The following CLRN1 variants were observed in gnomAD, a reference collection of about 807,000 sequenced individuals.
CLRN1 encodes the protein clarin-1.
A neutral mutation model predicts 18.7 loss-of-function variants in CLRN1; 15 were observed. The ratio of observed to expected loss-of-function variants is 0.80; its 90% CI spans 0.54 to 1.23. The LOEUF (loss-of-function observed/expected upper bound fraction) is 1.23. CLRN1 is among the 50% of genes most tolerant of loss of function. CLRN1 has a pLI of 0.00. For missense variants in CLRN1, 311 were observed against 277.5 expected (o/e 1.12, Z -0.86); for synonymous variants, 104 against 102.9 (o/e 1.01, Z -0.07).
At position 150,927,618 on chromosome 3, in the gene CLRN1, T is replaced by C; in HGVS notation, c.*318A>G. The C allele has an allele frequency of 2.0e-6, 1 of 500,834 alleles. No homozygotes were observed. The highest frequency in any genetic ancestry group is 1.6e-5 in the South Asian group (1 of 64,174). The allele number at this position is 500,834 out of a possible 1,614,324, so 31.0% of individuals were successfully genotyped here. On this transcript the variant is annotated 3_prime_UTR_variant, in exon 3 of 3. Coordinates refer to ENST00000327047, the MANE Select transcript of CLRN1 (RefSeq NM_174878.3). ...CCATGTGCCTTTGATATCTTTTTGA[T>C]AGGAAGACATCTTACACACACACAC...
intron 1 of CLRN1, among the ~76,000 whole-genome samples, chr3:150,957,440 G>T (rs940804191): frequency 2.0e-5 from 3 of 152,070 alleles, no homozygotes; most frequent in Non-Finnish European, 2.9e-5. Context: ...TTTGGAAATG[G>T]TCTCCTGTGA....
At chr3:150,937,403 T>G (rs534078518) in intron 2 of CLRN1, among the ~76,000 whole-genome samples, 69 of 152,270 alleles carry the variant, frequency 4.5e-4, no homozygotes, top group African/African-American at 1.6e-3. Context: ...CCCTTAGCAC[T>G]GGCTACAAAT....
chr3:150,958,704 A>T (rs1349710801), intron 1 of CLRN1, among the ~76,000 whole-genome samples: 1 of 152,236 alleles, frequency 6.6e-6, no homozygotes, highest in Non-Finnish European at 1.5e-5. Context: ...CCTCACATAG[A>T]GTACCTCTCC....
intron 1 of CLRN1, among the ~76,000 whole-genome samples, chr3:150,959,411 C>T (rs1448477928): frequency 6.6e-6 from 1 of 152,012 alleles, no homozygotes; most frequent in Admixed American, 6.6e-5. Context: ...GGTGGATCAC[C>T]TGAGGCCAGG....
intron 1 of CLRN1, among the ~76,000 whole-genome samples, chr3:150,954,327 A>G (rs772414419): frequency 5.3e-5 from 8 of 152,226 alleles, no homozygotes; most frequent in Non-Finnish European, 1.2e-4. Flanking sequence ...GCCATTTAAT[A>G]GATATGTAGT....
intron 1 of CLRN1, among the ~76,000 whole-genome samples, chr3:150,950,757 G>C (rs554856432): frequency 6.6e-6 from 1 of 152,288 alleles, no homozygotes; most frequent in South Asian, 2.1e-4. Context: ...TCTGCAAAGA[G>C]CTAAAAGCAG....
In CLRN1 at chr3:150,953,307, A is replaced by G. The variant is rs542646035; in HGVS notation, c.254-11546T>C. On this transcript the variant is annotated intron_variant, in intron 1 of 2. Transcript: ENST00000327047. Reference sequence around the variant, plus strand: ...ACAGCCGATGCCACGTTAGTAACATAACTTTGTCTGTGCGTTCAGAATTAC... The same window carrying G: ...ACAGCCGATGCCACGTTAGTAACATGACTTTGTCTGTGCGTTCAGAATTAC... 3.9e-5 allele frequency among the ~76,000 whole-genome samples: 6 copies of G among 152,236 alleles called. No individual in the cohort carries two copies. In the South Asian group the frequency reaches 8.3e-4, roughly 21 times the overall value.
At chr3:150,940,543 G>T in intron 2 of CLRN1, 2 of 1,532,820 alleles carry the variant, frequency 1.3e-6, no homozygotes, top group South Asian at 1.2e-5. Flanking sequence ...AGAAACAGTC[G>T]AATAGAGATT....
chr3:150,950,232 C>T (rs1714410899), intron 1 of CLRN1, among the ~76,000 whole-genome samples: 1 of 152,156 alleles, frequency 6.6e-6, no homozygotes, highest in Admixed American at 6.5e-5. Context: ...TAGGCAATAT[C>T]ATTCTGGACA....
intron 1 of CLRN1, among the ~76,000 whole-genome samples, chr3:150,953,224 C>T (rs1019014198): frequency 3.9e-5 from 6 of 152,186 alleles, no homozygotes; most frequent in African/African-American, 1.4e-4. Flanking sequence ...CACTTCTGGT[C>T]TCCAGAAAGT....
intron 2 of CLRN1, among the ~76,000 whole-genome samples, chr3:150,931,574 G>A (rs1713147920): frequency 6.6e-6 from 1 of 152,150 alleles, no homozygotes; most frequent in African/African-American, 2.4e-5. Flanking sequence ...ATGGTCAGAG[G>A]GTGGCTGAGG....
chr3:150,950,176 G>C (rs999661029), intron 1 of CLRN1, among the ~76,000 whole-genome samples: 1 of 152,174 alleles, frequency 6.6e-6, no homozygotes, highest in African/African-American at 2.4e-5. Context: ...ATGGATTAAA[G>C]ATTTAAATGT....
At position 150,941,599 on chromosome 3, in the gene CLRN1, A is replaced by T; in HGVS notation, c.416T>A (p.Leu139His). ...ETLHGPLGLY[L>H]LSFISGSCGC... ...GTACTTACCTGAAATGAAGCTCAAAAGGTACAGCCCTAGGGGACCATGCAG... is the reference window on the plus strand; with the variant it reads ...GTACTTACCTGAAATGAAGCTCAAATGGTACAGCCCTAGGGGACCATGCAG... Residue 139 changes from leucine (L) to histidine (H), a missense_variant, in exon 2 of 3, where the codon CTT (leucine) becomes CAT (histidine). Leu to His is a moderately conservative substitution (Grantham distance 99). Coordinates refer to ENST00000327047, the MANE Select transcript of CLRN1 (RefSeq NM_174878.3). The T allele has an allele frequency of 1.2e-6, 2 of 1,614,046 alleles. No individual in the cohort carries two copies. The highest frequency in any genetic ancestry group is 1.3e-5 in the African/African-American group (1 of 75,048).
chr3:150,960,127 T>C (rs4679715), intron 1 of CLRN1, among the ~76,000 whole-genome samples: 69,941 of 152,014 alleles, frequency 0.46, 16,721 homozygotes, highest in Non-Finnish European at 0.54. Context: ...TGCATGTTGG[T>C]CTCGATATCT....
At chr3:150,950,044 A>G (rs963940746) in intron 1 of CLRN1, among the ~76,000 whole-genome samples, 7 of 152,182 alleles carry the variant, frequency 4.6e-5, no homozygotes, top group Non-Finnish European at 4.4e-5. Flanking sequence ...CAAACCTGGG[A>G]AAAACAAGCA....
chr3:150,938,073 G>A (rs1421460221), intron 2 of CLRN1, among the ~76,000 whole-genome samples: 2 of 152,112 alleles, frequency 1.3e-5, no homozygotes, highest in Non-Finnish European at 2.9e-5. Flanking sequence ...ACCATAGAAT[G>A]ACTTCAGCAC....
chr3:150,967,110 G>A (rs551545288), intron 1 of CLRN1, among the ~76,000 whole-genome samples: 30 of 152,272 alleles, frequency 2.0e-4, no homozygotes, highest in Admixed American at 1.9e-3. Flanking sequence ...TTTACCAAAC[G>A]TTTATTAAGT....
At chr3:150,971,818 A>G (rs1209091924) in intron 1 of CLRN1, among the ~76,000 whole-genome samples, 1 of 152,236 alleles carries the variant, frequency 6.6e-6, no homozygotes, top group African/African-American at 2.4e-5. Context: ...AAATCACAAC[A>G]AGAAAATCTC....
At position 150,940,402 on chromosome 3, in the gene CLRN1, G is replaced by T. The variant is rs116776801; in HGVS notation, c.433+1180C>A. 1.0e-4 allele frequency: 136 copies of T among 1,312,346 alleles called. No individual in the cohort carries two copies. The African/African-American group carries it at 1.6e-3, about 15-fold the overall frequency. The allele number at this position is 1,312,346 out of a possible 1,614,324, so 81.3% of individuals were successfully genotyped here. ...GTTAACTACAGGCCTTTGTTTTATA[G>T]AGAGAGAGATCTATACACGTTTGTG... On this transcript the variant is annotated intron_variant, in intron 2 of 2. Transcript: ENST00000327047.
Sources: allele counts gnomAD v4.1 joint callset (sites outside exome capture counted in the v4.1 genomes callset), GRCh38; gene constraint gnomAD v4.1.1; transcripts MANE v1.5; gene names NCBI Gene and HGNC (gene_info 2026-07-23, HGNC 2026-07-21).